Variants in ROBO2 observed in about 807,000 individuals in gnomAD.
ROBO2 encodes roundabout homolog 2.
ROBO2 carries 53 observed loss-of-function variants against 160.8 expected under a neutral mutation model. The ratio of observed to expected loss-of-function variants is 0.33; its 90% CI spans 0.26 to 0.41. The LOEUF (loss-of-function observed/expected upper bound fraction) is 0.41. ROBO2 is among the 10% of genes least tolerant of loss of function. The probability of loss-of-function intolerance (pLI) is 1.00; values close to 1 mark genes in which losing one functional copy is unlikely to be tolerated. For missense variants in ROBO2, 1,577 were observed against 1,722.4 expected (o/e 0.92, Z 1.49); for synonymous variants, 664 against 611.7 (o/e 1.09, Z -1.26).
chr3:77,063,773 C>T (rs2066559787), intron 1 of ROBO2, among the ~76,000 whole-genome samples: 1 of 152,144 alleles, frequency 6.6e-6, no homozygotes, highest in Admixed American at 6.5e-5. Context: ...TTTCTCTCTG[C>T]CTATTCTAGA....
chr3:77,435,416 G>A (rs1044828935), intron 2 of ROBO2, among the ~76,000 whole-genome samples: 40 of 152,062 alleles, frequency 2.6e-4, no homozygotes, highest in African/African-American at 9.6e-4. Context: ...TAAGTACTAA[G>A]AAATGTGAAA....
chr3:76,046,217 C>T (rs1576620333), intron 2 of ROBO2, among the ~76,000 whole-genome samples: 1 of 152,056 alleles, frequency 6.6e-6, no homozygotes, highest in East Asian at 1.9e-4. Flanking sequence ...ACTATAATCA[C>T]AAATTCACTG....
At chr3:76,589,346 C>T (rs937401784) in intron 2 of ROBO2, among the ~76,000 whole-genome samples, 9 of 152,260 alleles carry the variant, frequency 5.9e-5, no homozygotes, top group African/African-American at 1.4e-4. Context: ...GTCACCCAGG[C>T]TGGAGTGCAG....
In ROBO2 at chr3:76,298,307, T is replaced by C. The variant is rs371171873; in HGVS notation, c.109+360705T>C. 3.9e-5 allele frequency among the ~76,000 whole-genome samples: 6 copies of C among 152,230 alleles called. No individual in the cohort carries two copies. The East Asian group carries it at 9.7e-4, about 24-fold the overall frequency. On this transcript the variant is annotated intron_variant, in intron 2 of 26. Transcript: ENST00000487694. ...GAAAATGGAGAGGGATAGGGGTCTC[T>C]GGGGAACGATGTGAGGTGTGTTGTA... is the stretch of plus-strand genomic sequence containing the variant.
chr3:76,426,920 CGTGATG>C (rs2076243933), intron 2 of ROBO2, among the ~76,000 whole-genome samples: 1 of 152,060 alleles, frequency 6.6e-6, no homozygotes, highest in Non-Finnish European at 1.5e-5. Context: ...AGTTACTCTT[CGTGATG>C]GTGAGAGCAT....
intron 2 of ROBO2, among the ~76,000 whole-genome samples, chr3:76,169,973 G>A (rs1318584915): frequency 1.3e-5 from 2 of 151,934 alleles, no homozygotes; most frequent in Non-Finnish European, 2.9e-5. Flanking sequence ...GTAGAGATGG[G>A]GTTTTACCAT....
At chr3:76,347,102 G>T (rs2108244870) in intron 2 of ROBO2, among the ~76,000 whole-genome samples, 1 of 152,192 alleles carries the variant, frequency 6.6e-6, no homozygotes, top group Admixed American at 6.5e-5. Context: ...GTCCTTGCTG[G>T]GAATTAGATT....
At chr3:77,018,784 C>T (rs764025743) in intron 2 of ROBO2, among the ~76,000 whole-genome samples, 7 of 152,078 alleles carry the variant, frequency 4.6e-5, no homozygotes, top group Non-Finnish European at 8.8e-5. Context: ...TGTGTAATTC[C>T]ACTACCTGAG....
At chr3:76,399,737 A>G (rs2077703520) in intron 2 of ROBO2, among the ~76,000 whole-genome samples, 1 of 151,698 alleles carries the variant, frequency 6.6e-6, no homozygotes, top group African/African-American at 2.4e-5. Flanking sequence ...CCGTCAGGGG[A>G]GTCTACCCAT....
chr3:76,899,452 G>A (rs1443337856), intron 2 of ROBO2, among the ~76,000 whole-genome samples: 1 of 152,060 alleles, frequency 6.6e-6, no homozygotes, highest in Non-Finnish European at 1.5e-5. Flanking sequence ...CTCTTACAGG[G>A]ACTTATGTCT....
intron 5 of ROBO2, among the ~76,000 whole-genome samples, chr3:77,505,929 A>G (rs546920996): frequency 2.6e-4 from 39 of 152,302 alleles, no homozygotes; most frequent in African/African-American, 9.1e-4. Flanking sequence ...ATTTTATTTT[A>G]AGGGCTCACT....
intron 2 of ROBO2, among the ~76,000 whole-genome samples, chr3:77,453,988 G>A (rs2081364594): frequency 6.6e-6 from 1 of 152,002 alleles, no homozygotes; most frequent in Admixed American, 6.6e-5. Context: ...CGTTCAATCA[G>A]CACATCTATT....
At chr3:76,025,767 C>T (rs910765026) in intron 2 of ROBO2, among the ~76,000 whole-genome samples, 1 of 151,766 alleles carries the variant, frequency 6.6e-6, no homozygotes, top group Non-Finnish European at 1.5e-5. Flanking sequence ...ATTTTCCATG[C>T]TCTGTAATGT....
chr3:77,248,522 G>C (rs1386746844), intron 2 of ROBO2, among the ~76,000 whole-genome samples: 2 of 152,154 alleles, frequency 1.3e-5, no homozygotes, highest in African/African-American at 4.8e-5. Context: ...GGCTTCAGGG[G>C]TCGCGAGCAC....
At chr3:77,408,687 G>A (rs891976257) in intron 2 of ROBO2, among the ~76,000 whole-genome samples, 2 of 151,946 alleles carry the variant, frequency 1.3e-5, no homozygotes, top group Non-Finnish European at 2.9e-5. Flanking sequence ...AGCCTACATT[G>A]ACTTCTTCTG....
At chr3:75,958,835 A>G (rs1948808271) in intron 2 of ROBO2, among the ~76,000 whole-genome samples, 2 of 151,792 alleles carry the variant, frequency 1.3e-5, no homozygotes, top group African/African-American at 4.8e-5. Context: ...TTCTCAAATT[A>G]TCTCTAACCC....
At chr3:76,742,802 A>T (rs1348291457) in intron 2 of ROBO2, among the ~76,000 whole-genome samples, 1 of 82,170 alleles carries the variant, frequency 1.2e-5, no homozygotes. Context: ...ACACCCACCC[A>T]CCCAACCCCA....
At chr3:75,994,653 G>A (rs1469599154) in intron 2 of ROBO2, among the ~76,000 whole-genome samples, 1 of 152,126 alleles carries the variant, frequency 6.6e-6, no homozygotes, top group Non-Finnish European at 1.5e-5. Flanking sequence ...TTTCCTTATA[G>A]CAATGTAAAA....
intron 2 of ROBO2, among the ~76,000 whole-genome samples, chr3:77,323,496 C>G (rs1163382604): frequency 6.6e-6 from 1 of 152,080 alleles, no homozygotes; most frequent in Non-Finnish European, 1.5e-5. Flanking sequence ...AGAAAAAGAG[C>G]TTTTCTGTAG....
Sources: allele counts gnomAD v4.1 joint callset (sites outside exome capture counted in the v4.1 genomes callset), GRCh38; gene constraint gnomAD v4.1.1; transcripts MANE v1.5; gene names NCBI Gene and HGNC (gene_info 2026-07-23, HGNC 2026-07-21).